Variants in NRXN1 observed in about 807,000 individuals in gnomAD.
The protein encoded by NRXN1 is neurexin-1.
A neutral mutation model predicts 150.9 loss-of-function variants in NRXN1; 39 were observed. The ratio of observed to expected loss-of-function variants is 0.26; its 90% confidence interval spans 0.20 to 0.34. The LOEUF (loss-of-function observed/expected upper bound fraction) is 0.34, where lower values mean the gene tolerates loss of function less well. NRXN1 is among the 10% of genes least tolerant of loss of function. NRXN1 has a pLI of 1.00. For synonymous variants in NRXN1, 924 were observed against 757.0 expected (o/e 1.22, Z -3.62); for missense variants, 1,815 against 1,949.9 (o/e 0.93, Z 1.30).
chr2:50,284,107 T>C (rs768638627), intron 17 of NRXN1, among the ~76,000 whole-genome samples: 53 of 152,190 alleles, frequency 3.5e-4, no homozygotes, highest in Non-Finnish European at 5.9e-4. Context: ...ACATTCATGA[T>C]TGAGACACTG....
intron 19 of NRXN1, among the ~76,000 whole-genome samples, chr2:50,085,234 G>C (rs1054099104): frequency 1.3e-5 from 2 of 152,116 alleles, no homozygotes; most frequent in Non-Finnish European, 1.5e-5. Flanking sequence ...CTTTGACCTA[G>C]AAGTTTAAGG....
chr2:50,839,131 T>G (rs1429549158), intron 5 of NRXN1, among the ~76,000 whole-genome samples: 1 of 152,164 alleles, frequency 6.6e-6, no homozygotes, highest in South Asian at 2.1e-4. Flanking sequence ...GCTATTTTAT[T>G]TAGTGACTTC....
intron 2 of NRXN1, among the ~76,000 whole-genome samples, chr2:50,997,261 C>G (rs998116343): frequency 4.6e-5 from 7 of 151,750 alleles, no homozygotes; most frequent in African/African-American, 1.2e-4. Context: ...CGGCAAAACC[C>G]CATCTCTACA....
intron 12 of NRXN1, among the ~76,000 whole-genome samples, chr2:50,513,320 T>C (rs2092524026): frequency 6.6e-6 from 1 of 152,174 alleles, no homozygotes; most frequent in African/African-American, 2.4e-5. Context: ...ATACACTATA[T>C]AAAAATGTAT....
rs1344429180 is a variant in NRXN1, at chr2:50,976,676, T to C, written c.773-50721A>G. 3.9e-5 allele frequency among the ~76,000 whole-genome samples: 6 copies of C among 151,946 alleles called. No individual in the cohort carries two copies. The East Asian group carries it at 9.6e-4, about 24-fold the overall frequency. ...TTAGAAGACAGAAGTACTCGGGAACTGTAACCATGTGTACATTTCAGTAAG... is the reference window on the plus strand; with the variant it reads ...TTAGAAGACAGAAGTACTCGGGAACCGTAACCATGTGTACATTTCAGTAAG... On this transcript the variant is annotated intron_variant, in intron 2 of 22. Transcript: ENST00000401669.
intron 2 of NRXN1, among the ~76,000 whole-genome samples, chr2:50,988,979 C>A (rs1698132350): frequency 6.6e-6 from 1 of 151,694 alleles, no homozygotes; most frequent in South Asian, 2.1e-4. Context: ...TATTTTCTGC[C>A]TTTCCCACTT....
chr2:50,138,409 C>G (rs143777779), intron 18 of NRXN1, among the ~76,000 whole-genome samples: 176 of 152,238 alleles, frequency 1.2e-3, no homozygotes, highest in African/African-American at 4.0e-3. Flanking sequence ...CTCTACCACT[C>G]TTGAAGAAAA....
intron 19 of NRXN1, among the ~76,000 whole-genome samples, chr2:50,081,701 T>C (rs1573798707): frequency 1.3e-5 from 2 of 152,354 alleles, no homozygotes; most frequent in East Asian, 1.9e-4. Flanking sequence ...ACAAATCACA[T>C]AGTACAGTTT....
rs757220288 is a variant in NRXN1 at position 50,496,112 on chromosome 2, A to T, written c.2880-17T>A. On this transcript the variant is annotated splice_polypyrimidine_tract_variant and intron_variant, in intron 14 of 22. Coordinates refer to ENST00000401669, the MANE Select transcript of NRXN1 (RefSeq NM_001330078.2). ...TGTAAGTACCTGGGAAAAAAATGAA[A>T]GAGGGGAAAGTGCCATCACTTTTTA... 3 of 1,569,302 alleles carry T rather than the reference A, an allele frequency of 1.9e-6. No homozygotes were observed. The highest frequency in any genetic ancestry group is 2.7e-5 in the African/African-American group (2 of 74,068).
At chr2:50,032,980 T>C (rs1002873556) in intron 21 of NRXN1, among the ~76,000 whole-genome samples, 2 of 151,714 alleles carry the variant, frequency 1.3e-5, no homozygotes, top group African/African-American at 4.8e-5. Context: ...ATTTATATAC[T>C]GTGTATACAC....
At chr2:50,844,373 G>C (rs756240668) in intron 5 of NRXN1, among the ~76,000 whole-genome samples, 2 of 152,054 alleles carry the variant, frequency 1.3e-5, no homozygotes, top group South Asian at 4.2e-4. Flanking sequence ...CTGACCCTTC[G>C]TCTACATTCT....
intron 5 of NRXN1, among the ~76,000 whole-genome samples, chr2:50,884,492 A>G (rs1334120892): frequency 6.6e-6 from 1 of 151,758 alleles, no homozygotes; most frequent in East Asian, 1.9e-4. Context: ...TAAATTATTT[A>G]GTTTTGAAGA....
chr2:50,214,196 A>T (rs544209686), intron 18 of NRXN1, among the ~76,000 whole-genome samples: 1 of 152,062 alleles, frequency 6.6e-6, no homozygotes, highest in South Asian at 2.1e-4. Flanking sequence ...TTAATTCAAG[A>T]TATTGGATAA....
chr2:50,832,628 C>G (rs946341305), intron 5 of NRXN1, among the ~76,000 whole-genome samples: 3 of 152,108 alleles, frequency 2.0e-5, no homozygotes, highest in African/African-American at 7.2e-5. Context: ...CACTCCAACT[C>G]CAGCTTGGGC....
chr2:50,086,826 G>A (rs1011688609), intron 19 of NRXN1, among the ~76,000 whole-genome samples: 32 of 130,980 alleles, frequency 2.4e-4, no homozygotes, highest in Non-Finnish European at 4.7e-4. Flanking sequence ...AAGAATGAGA[G>A]AGAGAGAGAG....
chr2:50,955,969 T>G (rs529980587), intron 2 of NRXN1, among the ~76,000 whole-genome samples: 1 of 152,298 alleles, frequency 6.6e-6, no homozygotes, highest in East Asian at 1.9e-4. Context: ...GAAACATGTT[T>G]GTGAGAAAAC....
chr2:50,684,370 G>A (rs1254956098), intron 5 of NRXN1, among the ~76,000 whole-genome samples: 1 of 152,016 alleles, frequency 6.6e-6, no homozygotes, highest in Non-Finnish European at 1.5e-5. Context: ...GGGCATGGTG[G>A]TGTATGCCTG....
chr2:50,414,928 CATAT>C (rs1262437683), intron 17 of NRXN1, among the ~76,000 whole-genome samples: 5 of 151,998 alleles, frequency 3.3e-5, no homozygotes, highest in Non-Finnish European at 5.9e-5. Flanking sequence ...ACAAACCATA[CATAT>C]ATAACAGAAA....
At chr2:50,738,526 G>T (rs1699045121) in intron 5 of NRXN1, among the ~76,000 whole-genome samples, 2 of 152,142 alleles carry the variant, frequency 1.3e-5, no homozygotes, top group Non-Finnish European at 2.9e-5. Context: ...AATAATAGAA[G>T]AATACTTCAG....
Sources: allele counts gnomAD v4.1 joint callset (sites outside exome capture counted in the v4.1 genomes callset), GRCh38; gene constraint gnomAD v4.1.1; transcripts MANE v1.5; gene names NCBI Gene and HGNC (gene_info 2026-07-23, HGNC 2026-07-21).